Variants in CUEDC1 observed in about 807,000 individuals in gnomAD.
CUEDC1 encodes the protein CUE domain-containing protein 1.
Under a neutral mutation model 43.7 loss-of-function variants are expected in CUEDC1, and 30 were observed. The ratio of observed to expected loss-of-function variants is 0.69; its 90% CI spans 0.51 to 0.93. CUEDC1 has a LOEUF of 0.93. Ranked by LOEUF, CUEDC1 falls within the 40% of genes least tolerant of loss-of-function variation. The pLI is 0.00. For synonymous variants in CUEDC1, 223 were observed against 223.6 expected (o/e 1.00, Z 0.02); for missense variants, 486 against 549.0 (o/e 0.89, Z 1.15).
At chr17:57,902,890 T>C (rs1183210523) in intron 1 of CUEDC1, 2 of 152,246 alleles carry the variant, frequency 1.3e-5, no homozygotes, top group African/African-American at 2.4e-5. Context: ...AGGAGTTAAA[T>C]ACCTTGCCCC....
chr17:57,894,338 G>C (rs1022698056), intron 1 of CUEDC1, among the ~76,000 whole-genome samples: 1 of 152,152 alleles, frequency 6.6e-6, no homozygotes, highest in African/African-American at 2.4e-5. Context: ...GATCTGTAAG[G>C]GTGGGGCATT....
chr17:57,906,840 C>T (rs2143032856), intron 1 of CUEDC1, among the ~76,000 whole-genome samples: 1 of 152,066 alleles, frequency 6.6e-6, no homozygotes, highest in East Asian at 1.9e-4. Context: ...GGCGTGATGG[C>T]GGGCGCCTGT....
chr17:57,884,992 G>C (rs1399314642), intron 2 of CUEDC1, among the ~76,000 whole-genome samples: 13 of 152,220 alleles, frequency 8.5e-5, no homozygotes, highest in Admixed American at 8.5e-4. Flanking sequence ...CCACTGAGTG[G>C]GCGCTCAGTG....
chr17:57,866,680 A>G, intron 9 of CUEDC1, 136 bp from the exon 10 acceptor site: 2 of 772,168 alleles, frequency 2.6e-6, no homozygotes, highest in Admixed American at 4.7e-5. Flanking sequence ...CCCCCCAGGT[A>G]GACGATGCAT....
intron 2 of CUEDC1, among the ~76,000 whole-genome samples, chr17:57,881,920 G>A (rs560168456): frequency 6.6e-6 from 1 of 152,306 alleles, no homozygotes; most frequent in African/African-American, 2.4e-5. Context: ...CAGGGCCCGA[G>A]TCCCAAGGAG....
At chr17:57,932,690 C>T (rs2074819944) in intron 1 of CUEDC1, among the ~76,000 whole-genome samples, 1 of 151,186 alleles carries the variant, frequency 6.6e-6, no homozygotes, top group Admixed American at 6.6e-5. Context: ...GGTGAAACCC[C>T]ATCTCTACTA....
chr17:57,892,280 T>C, intron 1 of CUEDC1, among the ~76,000 whole-genome samples: 1 of 152,206 alleles, frequency 6.6e-6, no homozygotes, highest in East Asian at 1.9e-4. Flanking sequence ...ACAAGGCTGA[T>C]GGCAGGCTGC....
intron 1 of CUEDC1, among the ~76,000 whole-genome samples, chr17:57,908,727 G>C (rs1346578296): frequency 6.6e-6 from 1 of 152,228 alleles, no homozygotes; most frequent in Non-Finnish European, 1.5e-5. Flanking sequence ...ACCAGGTGCA[G>C]TGGCTTACGC....
intron 7 of CUEDC1, among the ~76,000 whole-genome samples, chr17:57,868,771 C>A (rs1003706174): frequency 4.0e-5 from 6 of 151,860 alleles, no homozygotes; most frequent in African/African-American, 1.5e-4. Flanking sequence ...GGAAAGAGGT[C>A]CCCCACCCCC....
intron 1 of CUEDC1, among the ~76,000 whole-genome samples, chr17:57,918,843 T>C (rs1009377267): frequency 9.9e-5 from 15 of 152,200 alleles, no homozygotes; most frequent in Admixed American, 1.3e-4. Context: ...ATTTTATATG[T>C]CAATTTTTAT....
At chr17:57,906,408 A>C (rs1320676363) in intron 1 of CUEDC1, among the ~76,000 whole-genome samples, 1 of 152,234 alleles carries the variant, frequency 6.6e-6, no homozygotes, top group African/African-American at 2.4e-5. Flanking sequence ...TAGAACAGGT[A>C]AACTCATAGA....
intron 1 of CUEDC1, among the ~76,000 whole-genome samples, chr17:57,925,885 C>T (rs1425731137): frequency 2.6e-5 from 4 of 152,248 alleles, no homozygotes; most frequent in Non-Finnish European, 4.4e-5. Context: ...TCGAGCTCAG[C>T]GTTCACCTGA....
intron 1 of CUEDC1, among the ~76,000 whole-genome samples, chr17:57,893,609 G>C (rs1778831229): frequency 6.7e-6 from 1 of 150,234 alleles, no homozygotes; most frequent in Non-Finnish European, 1.5e-5. Flanking sequence ...CTGCTGGGCA[G>C]CCACACCTGT....
Position 57,930,656 on chromosome 17 carries a change from G to A in CUEDC1, c.-316+24569C>T, listed in dbSNP as rs1205947163. Among the ~76,000 whole-genome samples the A allele has an allele frequency of 6.6e-6, 1 of 152,210 alleles. No individual in the cohort carries two copies. The highest frequency in any genetic ancestry group is 6.5e-5 in the Admixed American group (1 of 15,288). On this transcript the variant is annotated intron_variant, in intron 1 of 10. Coordinates refer to ENST00000577830, the MANE Select transcript of CUEDC1 (RefSeq NM_001271875.2). This position sits in a 1 kb window ranked among gnomAD's most constrained non-coding sequence, Gnocchi z 4.2. ...ATGGCCTGGGAGAATCACTACACAC[G>A]TGTGTTTGGACAGCACTTTCTACTT...
At position 57,893,349 on chromosome 17, in the gene CUEDC1, A is replaced by G. The variant is rs78243390; in HGVS notation, c.-315-7470T>C. On this transcript the variant is annotated intron_variant, in intron 1 of 10. Coordinates refer to ENST00000577830, the MANE Select transcript of CUEDC1 (RefSeq NM_001271875.2). ...AGCAAGAGACAGAGGCTCTCAGGGT[A>G]TGTGTGTGTGTGTGTGTGTGTGTGT... Among the ~76,000 whole-genome samples the G allele has an allele frequency of 1.6e-3, 236 of 148,348 alleles. 1 individual carries two copies. The highest frequency in any genetic ancestry group is 2.5e-3 in the African/African-American group (100 of 40,678).
chr17:57,912,439 T>C (rs1382563057), intron 1 of CUEDC1: 3 of 152,206 alleles, frequency 2.0e-5, no homozygotes, highest in African/African-American at 7.2e-5. Flanking sequence ...CTGTCCCATT[T>C]CTTCAAACAT....
intron 1 of CUEDC1, among the ~76,000 whole-genome samples, chr17:57,925,783 A>T (rs1240822241): frequency 6.6e-6 from 1 of 152,240 alleles, no homozygotes; most frequent in African/African-American, 2.4e-5. Flanking sequence ...GAGGGTCAAA[A>T]GAGAAGGAGC....
rs540817256 is a variant in CUEDC1, at chr17:57,945,949, C to T, written c.-316+9276G>A. ...CTGAGACAGGAGAATTACTTGAACC[C>T]GGGCGGGTGGAGGCTGTGGGTGACA... On this transcript the variant is annotated intron_variant, in intron 1 of 10. Coordinates refer to ENST00000577830, the MANE Select transcript of CUEDC1 (RefSeq NM_001271875.2). 5.3e-5 allele frequency among the ~76,000 whole-genome samples: 8 copies of T among 151,892 alleles called. No homozygotes were observed. In the South Asian group the frequency reaches 1.0e-3, roughly 20 times the overall value.
intron 1 of CUEDC1, among the ~76,000 whole-genome samples, chr17:57,901,122 C>G (rs2074467104): frequency 6.6e-6 from 1 of 152,212 alleles, no homozygotes; most frequent in Non-Finnish European, 1.5e-5. Flanking sequence ...GTTCAGAGAC[C>G]TGGATGCTGG....
Sources: gnomAD v4.1 joint callset for allele counts (sites outside exome capture counted in the v4.1 genomes callset) on GRCh38, gnomAD v4.1.1 for gene constraint, Gnocchi (gnomAD v3.1) non-coding constraint, MANE v1.5 for transcripts, NCBI Gene and HGNC (gene_info 2026-07-23, HGNC 2026-07-21) for gene names.